The following HNRNPC variants were observed in gnomAD, a reference collection of about 807,000 sequenced individuals.
HNRNPC encodes the protein heterogeneous nuclear ribonucleoprotein C, also known as heterogeneous nuclear ribonucleoproteins C1/C2.
Under a neutral mutation model 33.2 loss-of-function variants are expected in HNRNPC, and 3 were observed. That is an observed-to-expected ratio of 0.09 (90% CI 0.04 to 0.23). HNRNPC has a LOEUF of 0.23. Ranked by LOEUF, HNRNPC falls within the 10% of genes least tolerant of loss-of-function variation. The pLI is 1.00. For missense variants in HNRNPC, 143 were observed against 366.7 expected (o/e 0.39, Z 4.98); for synonymous variants, 121 against 126.7 (o/e 0.96, Z 0.30).
chr14:21,212,655 G>A (rs1301479335), intron 6 of HNRNPC, among the ~76,000 whole-genome samples: 1 of 151,620 alleles, frequency 6.6e-6, no homozygotes, highest in Non-Finnish European at 1.5e-5. Flanking sequence ...CGATTCTCCT[G>A]CCTCAGCCTC....
intron 1 of HNRNPC, among the ~76,000 whole-genome samples, chr14:21,266,884 A>G (rs1879074983): frequency 6.6e-6 from 1 of 151,814 alleles, no homozygotes; most frequent in African/African-American, 2.4e-5. Flanking sequence ...TGAGCTCAGG[A>G]GTTCGAGACC....
At chr14:21,261,604 A>C (rs1223102670) in intron 2 of HNRNPC, among the ~76,000 whole-genome samples, 1 of 152,170 alleles carries the variant, frequency 6.6e-6, no homozygotes, top group Non-Finnish European at 1.5e-5. Context: ...CCTTCAAAAA[A>C]TTATTCCAGG....
intron 5 of HNRNPC, among the ~76,000 whole-genome samples, chr14:21,223,229 G>C (rs1305905858): frequency 6.6e-6 from 1 of 151,950 alleles, no homozygotes; most frequent in Non-Finnish European, 1.5e-5. Context: ...ACACCAAGGA[G>C]GCTAACAAAA....
At chr14:21,222,014 TTGAG>T (rs1358860226) in intron 5 of HNRNPC, among the ~76,000 whole-genome samples, 8 of 118,612 alleles carry the variant, frequency 6.7e-5, no homozygotes, top group Non-Finnish European at 1.3e-4. Flanking sequence ...GCACTCCAGA[TTGAG>T]TGACAGAGCA....
chr14:21,250,813 G>A (rs1268363939), intron 2 of HNRNPC, among the ~76,000 whole-genome samples: 1 of 152,194 alleles, frequency 6.6e-6, no homozygotes, highest in African/African-American at 2.4e-5. Context: ...TAAAAAAGGA[G>A]TGAAAAGTGT....
intron 3 of HNRNPC, 152 bp downstream of exon 3, chr14:21,233,801 T>A: frequency 3.1e-6 from 3 of 969,684 alleles, no homozygotes; most frequent in Non-Finnish European, 4.6e-6. Flanking sequence ...TAGCCAATTA[T>A]AACTATAAGC....
At chr14:21,239,608 T>C (rs1895121454) in intron 2 of HNRNPC, among the ~76,000 whole-genome samples, 1 of 151,694 alleles carries the variant, frequency 6.6e-6, no homozygotes, top group South Asian at 2.1e-4. Flanking sequence ...GCACGGTGGC[T>C]CACACCTGTA....
chr14:21,251,914 A>T (rs1467212473), intron 2 of HNRNPC, among the ~76,000 whole-genome samples: 2 of 152,198 alleles, frequency 1.3e-5, no homozygotes, highest in African/African-American at 2.4e-5. Flanking sequence ...CAGAGATTTT[A>T]AAATTTCTAA....
At chr14:21,257,603 G>T (rs555866079) in intron 2 of HNRNPC, among the ~76,000 whole-genome samples, 1 of 151,150 alleles carries the variant, frequency 6.6e-6, no homozygotes, top group Admixed American at 6.6e-5. Context: ...TTTACTTTAA[G>T]AGATAGGGTC....
intron 2 of HNRNPC, among the ~76,000 whole-genome samples, chr14:21,235,199 C>T (rs1894557951): frequency 6.6e-6 from 1 of 152,104 alleles, no homozygotes; most frequent in Admixed American, 6.5e-5. Context: ...TTGTTTCCTG[C>T]CTCTTCCCAC....
At chr14:21,254,332 A>G (rs960143876) in intron 2 of HNRNPC, among the ~76,000 whole-genome samples, 3 of 152,146 alleles carry the variant, frequency 2.0e-5, no homozygotes, top group Non-Finnish European at 4.4e-5. Context: ...AATTTTTCAG[A>G]GATCTGTATC....
At chr14:21,230,830 A>T (rs1894035072) in intron 4 of HNRNPC, 167 bp downstream of exon 4, 6 of 702,078 alleles carry the variant, frequency 8.5e-6, no homozygotes, top group Non-Finnish European at 1.4e-5. Flanking sequence ...TATTAACACA[A>T]AAATAATAAA....
intron 1 of HNRNPC, chr14:21,263,905 T>C (rs960044214): frequency 6.6e-6 from 1 of 152,150 alleles, no homozygotes; most frequent in Admixed American, 6.5e-5. Flanking sequence ...GACAGAAACA[T>C]CTGTCTACTG....
At chr14:21,249,675 T>C (rs1385447246) in intron 2 of HNRNPC, among the ~76,000 whole-genome samples, 1 of 151,556 alleles carries the variant, frequency 6.6e-6, no homozygotes, top group Non-Finnish European at 1.5e-5. Context: ...TTTTGGGGTC[T>C]ATTAGCCATT....
intron 5 of HNRNPC, among the ~76,000 whole-genome samples, chr14:21,224,374 T>A: frequency 6.6e-6 from 1 of 152,172 alleles, no homozygotes; most frequent in East Asian, 1.9e-4. Flanking sequence ...AAAAGTCAGG[T>A]AGAATAAAAC....
At chr14:21,226,563 T>C (rs1050460413) in intron 5 of HNRNPC, among the ~76,000 whole-genome samples, 1 of 143,714 alleles carries the variant, frequency 7.0e-6, no homozygotes, top group Non-Finnish European at 1.5e-5. Context: ...TTCAAATGAA[T>C]ATTAAAAAGA....
intron 2 of HNRNPC, among the ~76,000 whole-genome samples, chr14:21,259,309 C>A (rs1437983376): frequency 6.6e-6 from 1 of 152,152 alleles, no homozygotes; most frequent in Non-Finnish European, 1.5e-5. Context: ...ATCTTCTCAT[C>A]CACGCTCTTC....
intron 1 of HNRNPC, among the ~76,000 whole-genome samples, chr14:21,267,229 G>A (rs1566654415): frequency 6.7e-6 from 1 of 149,488 alleles, no homozygotes; most frequent in Non-Finnish European, 1.5e-5. Flanking sequence ...TTAAAAAAAA[G>A]TCTAAGTCCC....
chr14:21,248,282 G>C (rs1395104798), intron 2 of HNRNPC, among the ~76,000 whole-genome samples: 2 of 152,158 alleles, frequency 1.3e-5, no homozygotes, highest in Non-Finnish European at 1.5e-5. Context: ...CTGGTTTCAA[G>C]TATCTCCCCA....
Sources: allele counts gnomAD v4.1 joint callset (sites outside exome capture counted in the v4.1 genomes callset), GRCh38; gene constraint gnomAD v4.1.1; transcripts MANE v1.5; gene names NCBI Gene and HGNC (gene_info 2026-07-23, HGNC 2026-07-21).